RBFOX2: variants seen among roughly 807,000 people sequenced by gnomAD.
RBFOX2 encodes the protein RNA binding protein fox-1 homolog 2.
A neutral mutation model predicts 49.1 loss-of-function variants in RBFOX2; 10 were observed. The observed-to-expected ratio is 0.20, with a 90% CI of 0.13 to 0.35. The LOEUF is 0.35. Ranked by LOEUF, RBFOX2 falls within the 10% of genes least tolerant of loss-of-function variation. RBFOX2 has a pLI of 1.00. For missense variants in RBFOX2, 323 were observed against 486.9 expected, an observed-to-expected ratio of 0.66 and a Z score of 3.17; for synonymous variants, 183 against 187.4, an observed-to-expected ratio of 0.98 and a Z score of 0.19.
At chr22:35,875,229 G>A (rs953970696) in intron 1 of RBFOX2, among the ~76,000 whole-genome samples, 1 of 152,078 alleles carries the variant, frequency 6.6e-6, no homozygotes, top group Non-Finnish European at 1.5e-5. Context: ...AAAGTCTTCC[G>A]GCATTCAAAA....
chr22:35,850,235 C>CACACACACACACACACA (rs2041782020), intron 1 of RBFOX2, among the ~76,000 whole-genome samples: 4 of 148,866 alleles, frequency 2.7e-5, no homozygotes, highest in East Asian at 3.9e-4. Flanking sequence ...CACACACACA[C>CACACACACACACACACA]CCTTCTCACT....
At chr22:35,754,695 T>A (rs1024104004) in intron 9 of RBFOX2, among the ~76,000 whole-genome samples, 8 of 152,152 alleles carry the variant, frequency 5.3e-5, no homozygotes, top group Non-Finnish European at 1.2e-4. Flanking sequence ...ACTGTGAACA[T>A]AGGAAAAAAG....
chr22:35,878,254 C>T (rs767251269), intron 1 of RBFOX2, among the ~76,000 whole-genome samples: 1 of 151,862 alleles, frequency 6.6e-6, no homozygotes, highest in Non-Finnish European at 1.5e-5. Context: ...AAAAATTAGC[C>T]GAGCATGGTG....
At chr22:35,838,730 C>T (rs1391226333) in intron 1 of RBFOX2, among the ~76,000 whole-genome samples, 1 of 152,214 alleles carries the variant, frequency 6.6e-6, no homozygotes, top group Non-Finnish European at 1.5e-5. Context: ...GGTAATTAGA[C>T]TGATGATGAG....
At chr22:35,974,815 T>A (rs559257111) in intron 1 of RBFOX2, among the ~76,000 whole-genome samples, 5 of 152,334 alleles carry the variant, frequency 3.3e-5, no homozygotes, top group African/African-American at 1.2e-4. Context: ...ATCTTACTGC[T>A]ACCACTTAAG....
chr22:35,899,122 A>AATAACATAACATAACATAACATAAC lies in RBFOX2; in HGVS notation c.-34+39700_-34+39724dup, dbSNP rs59505989. 2.4e-3 allele frequency among the ~76,000 whole-genome samples: 338 copies of AATAACATAACATAACATAACATAAC among 139,310 alleles called. 2 individuals are homozygous for AATAACATAACATAACATAACATAAC. The highest frequency in any genetic ancestry group is 0.018 in the Middle Eastern group (5 of 278). The allele number at this position is 139,310 out of a possible 152,430, so 91.4% of individuals were successfully genotyped here. The stretch of plus-strand genomic sequence containing the variant: ...AACAAGAGCAAAATTCTGTCTCAAA[A>AATAACATAACATAACATAACATAAC]ATAACATAACATAACATAACATAAC... On this transcript the variant is annotated intron_variant, in intron 1 of 13. Coordinates refer to the RBFOX2 transcript ENST00000359369.
At chr22:36,008,357 G>A (rs1371082249) in intron 1 of RBFOX2, among the ~76,000 whole-genome samples, 1 of 152,016 alleles carries the variant, frequency 6.6e-6, no homozygotes, top group Non-Finnish European at 1.5e-5. Flanking sequence ...GCAAAAGAAG[G>A]GGGAGGGCTG....
rs550804747 is a variant in RBFOX2, at chr22:35,913,853, G to T, written c.-34+24994C>A. 5.9e-5 allele frequency among the ~76,000 whole-genome samples: 9 copies of T among 152,232 alleles called. No individual in the cohort carries two copies. The South Asian group carries it at 1.9e-3, about 32-fold the overall frequency. On this transcript the variant is annotated intron_variant, in intron 1 of 13. Coordinates refer to the RBFOX2 transcript ENST00000359369. Reference sequence around the variant, plus strand: ...AATATCTGCCTGTCTAAGAAAAGGGGAATGAGGAAGGGGTGGGCAGAGCTG... The same window carrying T: ...AATATCTGCCTGTCTAAGAAAAGGGTAATGAGGAAGGGGTGGGCAGAGCTG...
At chr22:35,872,827 T>C (rs773546555) in intron 1 of RBFOX2, among the ~76,000 whole-genome samples, 1 of 152,144 alleles carries the variant, frequency 6.6e-6, no homozygotes, top group Non-Finnish European at 1.5e-5. Flanking sequence ...ATGGGGGGCA[T>C]GGCAGGCCAG....
At chr22:35,894,492 A>G (rs1264722517) in intron 1 of RBFOX2, among the ~76,000 whole-genome samples, 2 of 152,192 alleles carry the variant, frequency 1.3e-5, no homozygotes, top group East Asian at 1.9e-4. Flanking sequence ...AGCCACCAGG[A>G]AGACTGCAGT....
intron 2 of RBFOX2, among the ~76,000 whole-genome samples, chr22:35,806,774 TGAA>T: frequency 6.6e-6 from 1 of 152,258 alleles, no homozygotes; most frequent in Middle Eastern, 3.4e-3. Context: ...TCAGACTGGA[TGAA>T]GAAGCAAGAA....
chr22:35,933,014 T>C (rs2052610578), intron 1 of RBFOX2, among the ~76,000 whole-genome samples: 2 of 152,226 alleles, frequency 1.3e-5, no homozygotes, highest in African/African-American at 2.4e-5. Context: ...GAAGACTTCA[T>C]GCTCCCACAT....
At chr22:35,886,282 A>G (rs1242261036) in intron 1 of RBFOX2, among the ~76,000 whole-genome samples, 1 of 152,138 alleles carries the variant, frequency 6.6e-6, no homozygotes, top group Non-Finnish European at 1.5e-5. Flanking sequence ...TACAAGTAAC[A>G]TATGTTCTCT....
intron 1 of RBFOX2, among the ~76,000 whole-genome samples, chr22:35,950,142 T>C (rs1228461696): frequency 2.0e-5 from 3 of 151,304 alleles, no homozygotes; most frequent in Non-Finnish European, 4.4e-5. Context: ...GTGTCTTACT[T>C]ATTTTTGAGG....
intron 9 of RBFOX2, 30 bp from the exon 12 acceptor site, chr22:35,746,591 G>C (rs1254015679): frequency 1.4e-6 from 2 of 1,416,050 alleles, no homozygotes; most frequent in Admixed American, 2.3e-5. Context: ...TGACTTTACA[G>C]ATACCTCTCC....
At chr22:35,900,657 T>C (rs573749885) in intron 1 of RBFOX2, among the ~76,000 whole-genome samples, 15 of 148,678 alleles carry the variant, frequency 1.0e-4, no homozygotes, top group South Asian at 2.1e-4. Context: ...CAGCTTAAAA[T>C]AGCAGGGATT....
intron 1 of RBFOX2, among the ~76,000 whole-genome samples, chr22:36,003,485 A>G (rs1432890689): frequency 6.6e-6 from 1 of 152,326 alleles, no homozygotes; most frequent in Admixed American, 6.5e-5. Flanking sequence ...GCAACCTTCA[A>G]ATGTCCAGCT....
In RBFOX2 at chr22:35,905,752, G is replaced by A. The variant is rs1183452948; in HGVS notation, c.-34+33095C>T. The stretch of plus-strand genomic sequence containing the variant: ...CAGTATAGCCTTGGGGGAGGGGGAT[G>A]AGGAAGCTCTTAAAATACCATTATG... On this transcript the variant is annotated intron_variant, in intron 1 of 13. Coordinates refer to the RBFOX2 transcript ENST00000359369. 2.0e-5 allele frequency among the ~76,000 whole-genome samples: 3 copies of A among 152,218 alleles called. No homozygotes were observed. The South Asian group carries it at 6.2e-4, about 32-fold the overall frequency.
intron 1 of RBFOX2, among the ~76,000 whole-genome samples, chr22:35,832,568 C>T (rs775288742): frequency 1.1e-4 from 17 of 152,078 alleles, no homozygotes; most frequent in Non-Finnish European, 1.0e-4. Context: ...TGCAGTGGCT[C>T]GCACCTGTAA....
Sources: gnomAD v4.1 joint callset for allele counts (sites outside exome capture counted in the v4.1 genomes callset) on GRCh38, gnomAD v4.1.1 for gene constraint, MANE v1.5 for transcripts, NCBI Gene and HGNC (gene_info 2026-07-23, HGNC 2026-07-21) for gene names.